Variants in EEIG2 observed in about 807,000 individuals in gnomAD.
EEIG2 encodes EEIG family member 2, also known as family with sequence similarity 102 member B.
chr1:108,587,522 A>G, the EEIG2 span, among the ~76,000 whole-genome samples: 1 of 152,150 alleles, frequency 6.6e-6, no homozygotes, highest in African/African-American at 2.4e-5. Flanking sequence ...TCATAGCATC[A>G]TACAGAGAAG....
At chr1:108,562,032 G>A in the EEIG2 span, among the ~76,000 whole-genome samples, 41 of 152,172 alleles carry the variant, frequency 2.7e-4, no homozygotes, top group Admixed American at 1.2e-3. Flanking sequence ...GTTGTAGGCA[G>A]TCATTTATTC....
the EEIG2 span, among the ~76,000 whole-genome samples, chr1:108,607,075 T>C: frequency 1.3e-5 from 2 of 152,236 alleles, no homozygotes; most frequent in Non-Finnish European, 2.9e-5. Context: ...CTAGAGATTT[T>C]TCCTATGTTA....
chr1:108,637,510 C>A, the EEIG2 span: 1 of 152,084 alleles, frequency 6.6e-6, no homozygotes, highest in African/African-American at 2.4e-5. Flanking sequence ...TATTAAATAA[C>A]AAGTTCACTT....
the EEIG2 span, among the ~76,000 whole-genome samples, chr1:108,630,300 T>A: frequency 1.8e-4 from 27 of 152,320 alleles, no homozygotes; most frequent in African/African-American, 5.8e-4. Context: ...ATTAAAACCA[T>A]CATTCTCAGC....
the EEIG2 span, chr1:108,625,673 T>C: frequency 6.6e-6 from 1 of 152,180 alleles, no homozygotes; most frequent in Non-Finnish European, 1.5e-5. Context: ...CTTCTCTATC[T>C]ACTGCACTCC....
At chr1:108,580,285 C>A in the EEIG2 span, among the ~76,000 whole-genome samples, 1 of 152,192 alleles carries the variant, frequency 6.6e-6, no homozygotes, top group African/African-American at 2.4e-5. Context: ...GACTGCTCTA[C>A]TCACTGGCCA....
At chr1:108,604,865 CAA>C in the EEIG2 span, among the ~76,000 whole-genome samples, 29 of 88,180 alleles carry the variant, frequency 3.3e-4, no homozygotes, top group Admixed American at 6.1e-4. Flanking sequence ...CCCACCTCTC[CAA>C]AAAAAAAAAA....
the EEIG2 span, chr1:108,628,526 G>A: frequency 1.8e-5 from 29 of 1,613,882 alleles, no homozygotes; most frequent in South Asian, 7.7e-5. Context: ...GCAGAAAATC[G>A]CTGAGCCAAA....
the EEIG2 span, among the ~76,000 whole-genome samples, chr1:108,599,409 C>G: frequency 6.6e-6 from 1 of 152,114 alleles, no homozygotes; most frequent in Non-Finnish European, 1.5e-5. Flanking sequence ...TTTGCTTTCT[C>G]TAGTTTTCTC....
At chr1:108,596,514 G>C in the EEIG2 span, among the ~76,000 whole-genome samples, 14 of 151,982 alleles carry the variant, frequency 9.2e-5, no homozygotes, top group African/African-American at 3.1e-4. Context: ...TAATTCATAA[G>C]ACTGGCGTCC....
chr1:108,616,575 CT>C, the EEIG2 span: 1 of 579,404 alleles, frequency 1.7e-6, no homozygotes, highest in Non-Finnish European at 3.0e-6. Context: ...ACCTGACCCT[CT>C]TAGAAGTTAT....
At chr1:108,571,027 T>C in the EEIG2 span, among the ~76,000 whole-genome samples, 1 of 152,240 alleles carries the variant, frequency 6.6e-6, no homozygotes, top group South Asian at 2.1e-4. Context: ...GTGTGAAGAA[T>C]GGCATAGGGC....
the EEIG2 span, among the ~76,000 whole-genome samples, chr1:108,581,331 T>TTCATTCTGCAGCTTGTG: frequency 6.6e-6 from 1 of 152,228 alleles, no homozygotes; most frequent in Non-Finnish European, 1.5e-5. Flanking sequence ...TAAAACAACA[T>TTCATTCTGCAGCTTGTG]TCATTCTGCA....
chr1:108,621,267 A>G, the EEIG2 span, among the ~76,000 whole-genome samples: 1 of 152,228 alleles, frequency 6.6e-6, no homozygotes, highest in African/African-American at 2.4e-5. Flanking sequence ...TAATGGAACA[A>G]AAACTGGCAC....
chr1:108,604,574 TAAA>T, the EEIG2 span, among the ~76,000 whole-genome samples: 4 of 152,088 alleles, frequency 2.6e-5, no homozygotes, highest in African/African-American at 7.2e-5. Context: ...GAAGTAGGAA[TAAA>T]ACCAGGCAAT....
At chr1:108,583,972 G>A in the EEIG2 span, among the ~76,000 whole-genome samples, 3 of 152,212 alleles carry the variant, frequency 2.0e-5, no homozygotes, top group South Asian at 2.1e-4. Flanking sequence ...GAGAGATGGG[G>A]TAATATGAGA....
chr1:108,625,822 G>GTGTGTGTGTGTGTGTT, the EEIG2 span: 1 of 31,630 alleles, frequency 3.2e-5, no homozygotes, highest in East Asian at 6.6e-4. Context: ...GTGTGTGTGT[G>GTGTGTGTGTGTGTGTT]TGTGTGGAGA....
the EEIG2 span, chr1:108,560,432 A>G: frequency 5.6e-6 from 9 of 1,605,602 alleles, no homozygotes; most frequent in African/African-American, 1.1e-4. Flanking sequence ...TCTCACGATG[A>G]TGAAGAAGAA....
chr1:108,599,879 C>A, the EEIG2 span, among the ~76,000 whole-genome samples: 1 of 152,184 alleles, frequency 6.6e-6, no homozygotes, highest in Non-Finnish European at 1.5e-5. Context: ...GTAATCCCAG[C>A]TACTCAAGAG....
Sources: allele counts gnomAD v4.1 joint callset (sites outside exome capture counted in the v4.1 genomes callset), GRCh38; gene constraint gnomAD v4.1.1; transcripts MANE v1.5; gene names NCBI Gene and HGNC (gene_info 2026-07-23, HGNC 2026-07-21).